NCAM1: variants seen among roughly 807,000 people sequenced by gnomAD.
The protein encoded by NCAM1 is antigen recognized by monoclonal antibody 5.1H11.
A neutral mutation model predicts 109.8 loss-of-function variants in NCAM1; 14 were observed. The ratio of observed to expected loss-of-function variants is 0.13; its 90% CI spans 0.08 to 0.20. NCAM1 has a LOEUF of 0.20. Ranked by LOEUF, NCAM1 falls within the 10% of genes least tolerant of loss-of-function variation. The pLI is 1.00. For missense variants in NCAM1, 774 were observed against 1,109.9 expected (o/e 0.70, Z 4.30); for synonymous variants, 418 against 442.9 (o/e 0.94, Z 0.70).
At chr11:113,071,815 G>A (rs1302509511) in intron 1 of NCAM1, among the ~76,000 whole-genome samples, 1 of 152,158 alleles carries the variant, frequency 6.6e-6, no homozygotes, top group Non-Finnish European at 1.5e-5. Flanking sequence ...CTGCAGGACT[G>A]TTTTCATTGG....
intron 1 of NCAM1, among the ~76,000 whole-genome samples, chr11:113,199,865 A>ATG (rs1210947654): frequency 1.3e-5 from 2 of 148,620 alleles, no homozygotes; most frequent in African/African-American, 2.5e-5. Flanking sequence ...GTGATGATAA[A>ATG]TGTGTGCGTG....
At chr11:113,243,668 G>A (rs961731429) in intron 14 of NCAM1, 1 of 504,764 alleles carries the variant, frequency 2.0e-6, no homozygotes, top group Non-Finnish European at 4.0e-6. Flanking sequence ...ATGAGTATGC[G>A]TGCATGTTCA....
At chr11:113,148,271 A>C (rs1942092550) in intron 1 of NCAM1, among the ~76,000 whole-genome samples, 1 of 151,680 alleles carries the variant, frequency 6.6e-6, no homozygotes, top group African/African-American at 2.4e-5. Flanking sequence ...TCATGTCGCC[A>C]TGATAACAGG....
chr11:113,181,360 A>G (rs1555107910), intron 1 of NCAM1, among the ~76,000 whole-genome samples: 3 of 152,164 alleles, frequency 2.0e-5, no homozygotes, highest in Admixed American at 2.0e-4. Context: ...TGAGGTCTAA[A>G]TACCTGCTTT....
chr11:113,192,958 A>AC (rs1426049663), intron 1 of NCAM1, among the ~76,000 whole-genome samples: 2 of 151,858 alleles, frequency 1.3e-5, no homozygotes, highest in African/African-American at 2.4e-5. Context: ...TTCTTGGCAG[A>AC]CCCCCCACAC....
intron 1 of NCAM1, among the ~76,000 whole-genome samples, chr11:113,178,896 C>T (rs1309528643): frequency 6.6e-6 from 1 of 152,186 alleles, no homozygotes; most frequent in African/African-American, 2.4e-5. Flanking sequence ...CTGCTGCTAA[C>T]ACCAGGCTGG....
chr11:113,268,914 C>T (rs1946203712), intron 17 of NCAM1, among the ~76,000 whole-genome samples: 1 of 152,226 alleles, frequency 6.6e-6, no homozygotes, highest in South Asian at 2.1e-4. Flanking sequence ...AGTCTGCAGT[C>T]CTGGGTGGCT....
intron 1 of NCAM1, among the ~76,000 whole-genome samples, chr11:113,187,393 TTTTG>T (rs1555109054): frequency 1.3e-5 from 2 of 152,108 alleles, no homozygotes; most frequent in Non-Finnish European, 2.9e-5. Flanking sequence ...TGGTGGTTAT[TTTTG>T]TTTGTTTGAT....
In NCAM1 at chr11:113,239,499, CTTTTTTTTTT is replaced by C. The variant is rs55641415; in HGVS notation, c.1825+4350_1825+4359del. 4.0e-4 allele frequency among the ~76,000 whole-genome samples: 44 copies of C among 110,186 alleles called. No homozygotes were observed. In the Middle Eastern group the frequency reaches 0.017, roughly 42 times the overall value. The allele number at this position is 110,186 out of a possible 152,430, so 72.3% of individuals were successfully genotyped here. ...TATAGAGATTATGAATGAGTCTCTACTTTTTTTTTTTTTTTTTTTTTTTTGAGACGGAGTC... is the reference window on the plus strand; with the variant it reads ...TATAGAGATTATGAATGAGTCTCTACTTTTTTTTTTTTTTGAGACGGAGTC... On this transcript the variant is annotated intron_variant, in intron 14 of 19. Coordinates refer to ENST00000316851, the MANE Select transcript of NCAM1 (RefSeq NM_181351.5).
chr11:113,193,665 AAAAG>A (rs1446178418), intron 1 of NCAM1, among the ~76,000 whole-genome samples: 2 of 152,140 alleles, frequency 1.3e-5, no homozygotes, highest in African/African-American at 2.4e-5. Context: ...GAAAAAGAAA[AAAAG>A]AAAGAGAGAA....
intron 1 of NCAM1, among the ~76,000 whole-genome samples, chr11:113,113,187 A>G (rs1565443892): frequency 1.3e-5 from 2 of 152,190 alleles, no homozygotes; most frequent in Non-Finnish European, 1.5e-5. Context: ...ACCGTGTTTC[A>G]TATCTTTTCT....
intron 14 of NCAM1, among the ~76,000 whole-genome samples, chr11:113,236,530 G>C (rs1311788210): frequency 6.6e-6 from 1 of 152,150 alleles, no homozygotes; most frequent in Non-Finnish European, 1.5e-5. Flanking sequence ...TTTAGAGCAT[G>C]CAACTTCTGT....
At chr11:113,232,059 C>A (rs560958103) in intron 10 of NCAM1, 111 bp from the exon 11 acceptor site, 451 of 1,132,960 alleles carry the variant, frequency 4.0e-4, no homozygotes, top group Non-Finnish European at 5.2e-4. Context: ...TCTACTATAC[C>A]AGGCGCTGGC....
intron 1 of NCAM1, among the ~76,000 whole-genome samples, chr11:113,192,626 G>A (rs532375463): frequency 2.0e-5 from 3 of 152,256 alleles, no homozygotes; most frequent in South Asian, 2.1e-4. Context: ...AGGTGAGACC[G>A]GGACAGAGCA....
At chr11:113,104,882 A>G (rs1279064916) in intron 1 of NCAM1, among the ~76,000 whole-genome samples, 2 of 152,186 alleles carry the variant, frequency 1.3e-5, no homozygotes, top group Admixed American at 6.5e-5. Context: ...TTTTAACTGT[A>G]TGTCCTTTCC....
chr11:112,964,265 G>A (rs559177788), intron 1 of NCAM1, among the ~76,000 whole-genome samples: 1 of 150,274 alleles, frequency 6.7e-6, no homozygotes, highest in African/African-American at 2.5e-5. Flanking sequence ...ACCTTAATAC[G>A]TCAAGTGAGT....
intron 1 of NCAM1, among the ~76,000 whole-genome samples, chr11:113,066,265 G>A (rs1478103075): frequency 2.6e-5 from 4 of 151,986 alleles, no homozygotes; most frequent in South Asian, 2.1e-4. Context: ...TTTTAATCTC[G>A]TAAATGTCCA....
At chr11:113,139,182 C>A (rs1941721174) in intron 1 of NCAM1, among the ~76,000 whole-genome samples, 1 of 152,162 alleles carries the variant, frequency 6.6e-6, no homozygotes, top group Admixed American at 6.5e-5. Context: ...TTACTAATGT[C>A]ATTTAGAAAT....
Position 113,148,946 on chromosome 11 carries a change from C to T in NCAM1, c.53-53433C>T, listed in dbSNP as rs922942025. 5.4e-4 allele frequency among the ~76,000 whole-genome samples: 82 copies of T among 152,278 alleles called. 1 individual carries two copies. The highest frequency in any genetic ancestry group is 1.9e-3 in the African/African-American group (80 of 41,568). On this transcript the variant is annotated intron_variant, in intron 1 of 19. Transcript: ENST00000316851. The stretch of plus-strand genomic sequence containing the variant: ...AAGCCAATGAGTGACTGTCTCACCT[C>T]CTCACTCTCCTCCTTGGGCTGAGAG...
Sources: gnomAD v4.1 joint callset for allele counts (sites outside exome capture counted in the v4.1 genomes callset) on GRCh38, gnomAD v4.1.1 for gene constraint, MANE v1.5 for transcripts, NCBI Gene and HGNC (gene_info 2026-07-23, HGNC 2026-07-21) for gene names.